Variants in VPS13D observed in about 807,000 individuals in gnomAD.
The protein encoded by VPS13D is intermembrane lipid transfer protein VPS13D.
Under a neutral mutation model 461.9 loss-of-function variants are expected in VPS13D, and 187 were observed. The observed-to-expected ratio is 0.40, with a 90% CI of 0.36 to 0.46. VPS13D has a LOEUF of 0.46. Among genes scored for constraint, VPS13D ranks in the 20% least tolerant of loss-of-function variants. The pLI is 0.60. For synonymous variants in VPS13D, 1,951 were observed against 1,986.3 expected (o/e 0.98, Z 0.47); for missense variants, 4,711 against 5,364.9 (o/e 0.88, Z 3.81).
intron 16 of VPS13D, 29 bp downstream of exon 16, chr1:12,268,905 G>A (rs1265534323): frequency 1.3e-6 from 2 of 1,593,302 alleles, no homozygotes; most frequent in African/African-American, 2.7e-5. Flanking sequence ...TTGATCTTAT[G>A]TTCCTTTTGA....
intron 63 of VPS13D, among the ~76,000 whole-genome samples, chr1:12,405,194 A>G (rs1644636220): frequency 6.6e-6 from 1 of 152,238 alleles, no homozygotes; most frequent in African/African-American, 2.4e-5. Flanking sequence ...AACCCGCTCC[A>G]GCCGCTTGCT....
chr1:12,380,065 A>G (rs1206619033), intron 57 of VPS13D, among the ~76,000 whole-genome samples: 3 of 152,158 alleles, frequency 2.0e-5, no homozygotes, highest in Non-Finnish European at 2.9e-5. Flanking sequence ...CACCGCGCCC[A>G]GCCCCGCATT....
At chr1:12,334,789 CT>C (rs1261434075) in intron 38 of VPS13D, among the ~76,000 whole-genome samples, 7 of 152,132 alleles carry the variant, frequency 4.6e-5, no homozygotes, top group Non-Finnish European at 8.8e-5. Context: ...AACAAAAAAT[CT>C]TCCAAAAGGC....
intron 55 of VPS13D, 86 bp downstream of exon 55, chr1:12,373,944 T>A: frequency 9.7e-7 from 1 of 1,030,554 alleles, no homozygotes; most frequent in South Asian, 1.5e-5. Flanking sequence ...AGTCCTTATT[T>A]CATGATGAGG....
Position 12,277,388 on chromosome 1 carries a change from C to T in VPS13D, c.3800C>T (p.Thr1267Ile), listed in dbSNP as rs1266260018. Residue 1267 changes from threonine (T) to isoleucine (I), a missense_variant, in exon 19 of 70, where the codon ACT becomes ATT. Transcript: ENST00000620676. The stretch of plus-strand genomic sequence containing the variant: ...GTCAGAATGGAAGATGCAGCCCTCA[C>T]TGAAGCTTTGAGTTTCACGTTTGTT... The part of the protein sequence containing the change: ...VFVRMEDAAL[T>I]EALSFTFVER... 1 of 1,614,212 alleles carries T rather than the reference C, an allele frequency of 6.2e-7. No homozygotes were observed. Among genetic ancestry groups the T allele is most frequent in the Non-Finnish European group, 8.5e-7 (1 of 1,180,042 alleles).
At position 12,497,605 on chromosome 1, in the gene VPS13D, A is replaced by C; in HGVS notation, c.12768A>C (p.Lys4256Asn). 6.2e-7 allele frequency: 1 copy of C among 1,613,842 alleles called. No individual in the cohort carries two copies. The highest frequency in any genetic ancestry group is 8.5e-7 in the Non-Finnish European group (1 of 1,179,956). ...SQAEGQEQLFKLTDNIQDEFF... is the reference protein window; with the variant it reads ...SQAEGQEQLFNLTDNIQDEFF... ...CGGAAGGACAGGAGCAGCTCTTCAA[A>C]CTCACAGACAACATACAGGACGAAT... is the stretch of plus-strand genomic sequence containing the variant. The change falls in exon 68 of 70, where the codon AAA becomes AAC. Residue 4256 changes from lysine to asparagine, a missense_variant. Physicochemically the swap from Lys to Asn is moderately conservative, Grantham distance 94. Coordinates refer to ENST00000620676, the MANE Select transcript of VPS13D (RefSeq NM_015378.4).
intron 62 of VPS13D, 147 bp from the exon 63 acceptor site, chr1:12,403,678 C>A: frequency 1.4e-6 from 1 of 697,392 alleles, no homozygotes; most frequent in Non-Finnish European, 2.3e-6. Context: ...ATACTATACA[C>A]GTCACTGTAC....
At chr1:12,272,006 A>G (rs1414706879) in intron 17 of VPS13D, among the ~76,000 whole-genome samples, 1 of 152,192 alleles carries the variant, frequency 6.6e-6, no homozygotes, top group Non-Finnish European at 1.5e-5. Flanking sequence ...AGCCTGGGCA[A>G]CATAGTGAGA....
chr1:12,410,939 G>A (rs1644718583), intron 63 of VPS13D, among the ~76,000 whole-genome samples: 1 of 152,162 alleles, frequency 6.6e-6, no homozygotes, highest in Admixed American at 6.6e-5. Flanking sequence ...AATTCAGCAA[G>A]CTAAAAATAG....
intron 2 of VPS13D, among the ~76,000 whole-genome samples, chr1:12,242,148 G>GTA (rs1244553720): frequency 6.6e-6 from 1 of 152,130 alleles, no homozygotes; most frequent in African/African-American, 2.4e-5. Context: ...TATGGAAAAT[G>GTA]TAACTCTTGG....
chr1:12,343,962 TAAG>T (rs1013008346), intron 42 of VPS13D, among the ~76,000 whole-genome samples: 14 of 152,338 alleles, frequency 9.2e-5, no homozygotes, highest in African/African-American at 2.6e-4. Context: ...TCAAAGCTAA[TAAG>T]AAGACAAATT....
chr1:12,236,055 A>G (rs574074476), intron 2 of VPS13D, among the ~76,000 whole-genome samples: 9 of 152,242 alleles, frequency 5.9e-5, no homozygotes, highest in South Asian at 2.1e-4. Flanking sequence ...TCTTGTAACA[A>G]CTGTGTTTAT....
intron 7 of VPS13D, 32 bp from the exon 8 acceptor site, chr1:12,256,301 C>G (rs773296421): frequency 6.3e-7 from 1 of 1,596,946 alleles, no homozygotes; most frequent in Non-Finnish European, 8.5e-7. Context: ...GAAAGCCATT[C>G]GGAGCAGAGC....
In VPS13D at chr1:12,456,041, A is replaced by G. The variant is rs751891690; in HGVS notation, c.12377A>G (p.Asn4126Ser). The change falls in exon 66 of 70, where the codon AAT becomes AGT. Residue 4126 changes from asparagine (N) to serine (S), a missense_variant. Around this residue, in one of 3 missense-constraint regions of VPS13D, gnomAD observed 106 missense variants for 206.2 expected, o/e 0.51. Transcript: ENST00000620676. ...GATGGCTTAGGGAAGACGATGGACAATCGGCATCAGTCAGAGCGGGAGTAC... is the reference window on the plus strand; with the variant it reads ...GATGGCTTAGGGAAGACGATGGACAGTCGGCATCAGTCAGAGCGGGAGTAC... ...LSDGLGKTMD[N>S]RHQSEREYIR... is the part of the protein sequence containing the mutation. 11 of 1,613,576 alleles carry G rather than the reference A, an allele frequency of 6.8e-6. No individual in the cohort carries two copies. Among genetic ancestry groups the G allele is most frequent in the South Asian group, 3.3e-5 (3 of 91,032 alleles).
chr1:12,372,581 C>CA (rs1299747880), intron 54 of VPS13D, among the ~76,000 whole-genome samples: 1 of 152,052 alleles, frequency 6.6e-6, no homozygotes, highest in African/African-American at 2.4e-5. Context: ...GTTGAATTGT[C>CA]AGAGTTCTTC....
intron 27 of VPS13D, among the ~76,000 whole-genome samples, chr1:12,310,101 C>A (rs77348128): frequency 0.043 from 6,199 of 144,130 alleles, 236 homozygotes; most frequent in Admixed American, 0.12. Flanking sequence ...TTCCAAAAAA[C>A]AAAAAAAAAG....
chr1:12,368,727 T>C (rs1204862556), intron 53 of VPS13D, 136 bp downstream of exon 53: 1 of 1,094,154 alleles, frequency 9.1e-7, no homozygotes, highest in African/African-American at 1.6e-5. Flanking sequence ...TCTTTATATC[T>C]GGACAAGCCT....
At chr1:12,309,190 TG>T (rs1316033095) in intron 27 of VPS13D, among the ~76,000 whole-genome samples, 1 of 151,810 alleles carries the variant, frequency 6.6e-6, no homozygotes, top group African/African-American at 2.4e-5. Flanking sequence ...TCTAATTTAA[TG>T]TTTGATTTGA....
In VPS13D at chr1:12,382,344, C is replaced by T. The variant is rs143266234; in HGVS notation, c.11191-632C>T. On this transcript the variant is annotated intron_variant, in intron 57 of 69. Coordinates refer to ENST00000620676, the MANE Select transcript of VPS13D (RefSeq NM_015378.4). ...CTCAAACTCCTGACCTCAGATGATT[C>T]GCCCGCCTTGGCCTCCCGAAGTGCT... 4.4e-3 allele frequency among the ~76,000 whole-genome samples: 673 copies of T among 152,234 alleles called. 3 individuals are homozygous for T. Among genetic ancestry groups the T allele is most frequent in the African/African-American group, 0.015 (632 of 41,536 alleles).
Sources: allele counts gnomAD v4.1 joint callset (sites outside exome capture counted in the v4.1 genomes callset), GRCh38; gene constraint gnomAD v4.1.1; regional missense constraint gnomAD v4.1.1; transcripts MANE v1.5; gene names NCBI Gene and HGNC (gene_info 2026-07-23, HGNC 2026-07-21).